SLC24A4: variants seen among roughly 807,000 people sequenced by gnomAD.
The protein encoded by SLC24A4 is sodium/potassium/calcium exchanger 4.
SLC24A4 carries 53 observed loss-of-function variants against 79.0 expected under a neutral mutation model. The observed-to-expected ratio is 0.67, with a 90% CI of 0.54 to 0.84. The LOEUF (loss-of-function observed/expected upper bound fraction) is 0.84, where lower values mean the gene tolerates loss of function less well. SLC24A4 is among the 40% of genes least tolerant of loss of function. The pLI is 0.00. For synonymous variants in SLC24A4, 323 were observed against 323.8 expected (o/e 1.00, Z 0.03); for missense variants, 731 against 822.0 (o/e 0.89, Z 1.35).
At chr14:92,391,845 C>A (rs1889480141) in intron 2 of SLC24A4, among the ~76,000 whole-genome samples, 1 of 152,246 alleles carries the variant, frequency 6.6e-6, no homozygotes, top group Non-Finnish European at 1.5e-5. Flanking sequence ...GGGTTCCCAG[C>A]CCACCGCCAG....
chr14:92,471,677 T>C (rs1037482864), intron 12 of SLC24A4, among the ~76,000 whole-genome samples: 1 of 152,074 alleles, frequency 6.6e-6, no homozygotes, highest in African/African-American at 2.4e-5. Context: ...ACACTAAATA[T>C]TATGGAATAC....
At chr14:92,328,765 A>G (rs969349018) in intron 2 of SLC24A4, among the ~76,000 whole-genome samples, 1 of 152,244 alleles carries the variant, frequency 6.6e-6, no homozygotes, top group Non-Finnish European at 1.5e-5. Flanking sequence ...CCACCCTTGC[A>G]GATTGATCTG....
chr14:92,346,824 C>T (rs1886559953), intron 2 of SLC24A4, among the ~76,000 whole-genome samples: 1 of 152,050 alleles, frequency 6.6e-6, no homozygotes, highest in South Asian at 2.1e-4. Context: ...TTTACATTTC[C>T]CCCGGTGATC....
At chr14:92,474,663 G>A (rs572764010) in intron 12 of SLC24A4, among the ~76,000 whole-genome samples, 1,191 of 16,768 alleles carry the variant, frequency 0.071, 19 homozygotes, top group Middle Eastern at 0.14. Context: ...TTTTGTGTGT[G>A]TGTGTATATA....
intron 5 of SLC24A4, 74 bp downstream of exon 5, chr14:92,442,247 G>A (rs1171381143): frequency 2.5e-6 from 3 of 1,207,474 alleles, no homozygotes; most frequent in Non-Finnish European, 3.6e-6. Flanking sequence ...GGGGGCATTT[G>A]TCAGCTCTGA....
At chr14:92,401,344 G>A (rs1171617592) in intron 2 of SLC24A4, among the ~76,000 whole-genome samples, 4 of 152,166 alleles carry the variant, frequency 2.6e-5, no homozygotes, top group African/African-American at 9.7e-5. Context: ...TTGTTTATTT[G>A]TCTCTTTAGT....
chr14:92,418,990 C>T (rs1475778688), intron 2 of SLC24A4, among the ~76,000 whole-genome samples: 1 of 152,204 alleles, frequency 6.6e-6, no homozygotes, highest in African/African-American at 2.4e-5. Context: ...GCATGAGCCA[C>T]CGCACCCGGC....
chr14:92,351,273 G>A (rs922973359), intron 2 of SLC24A4, among the ~76,000 whole-genome samples: 3 of 139,818 alleles, frequency 2.1e-5, no homozygotes, highest in Admixed American at 1.5e-4. Context: ...ACCCAATACT[G>A]CCTATGCCGA....
intron 2 of SLC24A4, among the ~76,000 whole-genome samples, chr14:92,337,835 A>C (rs1036026984): frequency 3.9e-5 from 6 of 152,270 alleles, no homozygotes; most frequent in Admixed American, 2.6e-4. Flanking sequence ...CTGGCATGAG[A>C]GTAAGCACTA....
rs1198620109 is a variant in SLC24A4, at chr14:92,499,968, T to TC, written c.*6340_*6341insC. On this transcript the variant is annotated 3_prime_UTR_variant, in exon 17 of 17. Coordinates refer to ENST00000532405, the MANE Select transcript of SLC24A4 (RefSeq NM_153646.4). Reference sequence around the variant, plus strand: ...CATTCTCCTGCCTCAGCCTCCCGAGTAGCTGGGACTACAGGCGCCTGCCAC... The same window carrying TC: ...CATTCTCCTGCCTCAGCCTCCCGAGTCAGCTGGGACTACAGGCGCCTGCCAC... 2 of 151,830 alleles carry TC rather than the reference T, an allele frequency of 1.3e-5. No individual in the cohort carries two copies. Among genetic ancestry groups the TC allele is most frequent in the Non-Finnish European group, 2.9e-5 (2 of 68,096 alleles). 9.4% of individuals were successfully genotyped at this position (151,830 alleles called of 1,614,324 possible).
At chr14:92,475,292 A>G (rs1305524248) in intron 12 of SLC24A4, among the ~76,000 whole-genome samples, 1 of 152,202 alleles carries the variant, frequency 6.6e-6, no homozygotes, top group African/African-American at 2.4e-5. Flanking sequence ...GCAATTAGGT[A>G]ACAAGGCAGT....
In SLC24A4 at chr14:92,500,485, C is replaced by A. The variant is rs1896119069; in HGVS notation, c.*6857C>A. On this transcript the variant is annotated 3_prime_UTR_variant, in exon 17 of 17. Coordinates refer to ENST00000532405, the MANE Select transcript of SLC24A4 (RefSeq NM_153646.4). Reference sequence around the variant, plus strand: ...TCCTGAAAAATGACTGGAGTGTGAACAAGGCAGCTCTGTTTTTCTAAATAA... The same window carrying A: ...TCCTGAAAAATGACTGGAGTGTGAAAAAGGCAGCTCTGTTTTTCTAAATAA... The A allele has an allele frequency of 6.6e-6, 1 of 152,222 alleles. No homozygotes were observed. The highest frequency in any genetic ancestry group is 2.4e-5 in the African/African-American group (1 of 41,456). The allele number at this position is 152,222 out of a possible 1,614,324, so 9.4% of individuals were successfully genotyped here.
chr14:92,396,560 A>T (rs1372261679), intron 2 of SLC24A4, among the ~76,000 whole-genome samples: 1 of 152,168 alleles, frequency 6.6e-6, no homozygotes, highest in Non-Finnish European at 1.5e-5. Context: ...GGGAATGGGG[A>T]TGGAACCTAC....
chr14:92,350,200 T>G (rs1355765584), intron 2 of SLC24A4, among the ~76,000 whole-genome samples: 3 of 152,178 alleles, frequency 2.0e-5, no homozygotes, highest in East Asian at 3.8e-4. Context: ...GTTAAGTTCT[T>G]TTTTTGGGAG....
At chr14:92,347,410 A>G (rs540570801) in intron 2 of SLC24A4, among the ~76,000 whole-genome samples, 1 of 152,236 alleles carries the variant, frequency 6.6e-6, no homozygotes, top group African/African-American at 2.4e-5. Context: ...ACAGTGAGGA[A>G]GGGATGATGC....
chr14:92,372,796 C>T (rs755736054), intron 2 of SLC24A4, among the ~76,000 whole-genome samples: 3 of 151,980 alleles, frequency 2.0e-5, no homozygotes, highest in East Asian at 3.9e-4. Context: ...GTTTTGAAGA[C>T]GTGGGTAGGA....
At chr14:92,344,096 G>C (rs761471584) in intron 2 of SLC24A4, among the ~76,000 whole-genome samples, 3 of 152,206 alleles carry the variant, frequency 2.0e-5, no homozygotes, top group Non-Finnish European at 4.4e-5. Context: ...TTGCATTATA[G>C]GATATTCAAT....
chr14:92,407,857 T>TTG (rs60398538), intron 2 of SLC24A4, among the ~76,000 whole-genome samples: 25,777 of 143,158 alleles, frequency 0.18, 2,573 homozygotes, highest in Non-Finnish European at 0.25. Flanking sequence ...CAGAGTGATA[T>TTG]TGTGTGTGTG....
At chr14:92,362,811 A>G (rs1477406769) in intron 2 of SLC24A4, among the ~76,000 whole-genome samples, 1 of 152,164 alleles carries the variant, frequency 6.6e-6, no homozygotes, top group Admixed American at 6.5e-5. Flanking sequence ...ATTTTGCTCA[A>G]AAAGTTTTGC....
Sources: allele counts gnomAD v4.1 joint callset (sites outside exome capture counted in the v4.1 genomes callset), GRCh38; gene constraint gnomAD v4.1.1; transcripts MANE v1.5; gene names NCBI Gene and HGNC (gene_info 2026-07-23, HGNC 2026-07-21).